The following RORA variants were observed in gnomAD, a reference collection of about 807,000 sequenced individuals.
RORA encodes the protein nuclear receptor ROR-alpha.
Under a neutral mutation model 69.5 loss-of-function variants are expected in RORA, and 7 were observed. The observed-to-expected ratio is 0.10, with a 90% CI of 0.06 to 0.19. The LOEUF is 0.19. RORA is among the 10% of genes least tolerant of loss of function. The pLI is 1.00. For missense variants in RORA, 457 were observed against 663.0 expected, an observed-to-expected ratio of 0.69 and a Z score of 3.41; for synonymous variants, 261 against 240.8, an observed-to-expected ratio of 1.08 and a Z score of -0.78.
chr15:60,991,280 T>C (rs1894369165), intron 1 of RORA, among the ~76,000 whole-genome samples: 2 of 81,188 alleles, frequency 2.5e-5, no homozygotes, highest in African/African-American at 7.9e-5. Flanking sequence ...AGTGAGTGAA[T>C]GAATGAATGA....
chr15:60,822,860 T>C (rs1439972282), intron 1 of RORA, among the ~76,000 whole-genome samples: 1 of 152,244 alleles, frequency 6.6e-6, no homozygotes, highest in Admixed American at 6.5e-5. Flanking sequence ...TATGCTAAGC[T>C]AATTCATAAG....
intron 1 of RORA, among the ~76,000 whole-genome samples, chr15:60,749,517 T>C (rs539471101): frequency 8.5e-5 from 13 of 152,298 alleles, no homozygotes; most frequent in African/African-American, 3.1e-4. Context: ...GGAGAATAAG[T>C]TGATGATCAA....
At chr15:61,079,738 C>A (rs1262324683) in intron 1 of RORA, among the ~76,000 whole-genome samples, 3 of 152,326 alleles carry the variant, frequency 2.0e-5, no homozygotes, top group East Asian at 3.9e-4. Flanking sequence ...AGCAGAATAA[C>A]CCTTGCCCTT....
chr15:60,610,314 G>A (rs940965890), intron 2 of RORA, among the ~76,000 whole-genome samples: 7 of 152,058 alleles, frequency 4.6e-5, no homozygotes, highest in African/African-American at 7.2e-5. Context: ...CAATCCATCC[G>A]ATCTTCCACT....
intron 1 of RORA, among the ~76,000 whole-genome samples, chr15:60,711,981 A>C (rs1171753157): frequency 1.4e-5 from 2 of 146,250 alleles, no homozygotes; most frequent in African/African-American, 2.5e-5. Flanking sequence ...AGTATAATAA[A>C]ACTATTTTGT....
intron 1 of RORA, among the ~76,000 whole-genome samples, chr15:61,130,859 G>A (rs2079184723): frequency 6.6e-6 from 1 of 152,100 alleles, no homozygotes; most frequent in Non-Finnish European, 1.5e-5. Flanking sequence ...AAAAAACATA[G>A]GGCTTCAAGA....
intron 1 of RORA, among the ~76,000 whole-genome samples, chr15:60,873,227 GTGTGTGTGTGTGTGTGTGTGTC>G (rs2073576610): frequency 1.4e-5 from 1 of 73,566 alleles, no homozygotes; most frequent in Non-Finnish European, 3.0e-5. Flanking sequence ...TAAAGGTCGT[GTGTGTGTGTGTGTGTGTGTGTC>G]TGTGTGTGTG....
At chr15:60,961,542 A>G (rs10438288) in intron 1 of RORA, among the ~76,000 whole-genome samples, 46,496 of 152,086 alleles carry the variant, frequency 0.31, 8,156 homozygotes, top group Non-Finnish European at 0.4. Context: ...TGTTGCCATA[A>G]AGCGTCTCAG....
intron 1 of RORA, among the ~76,000 whole-genome samples, chr15:60,794,984 G>T (rs188654378): frequency 3.3e-4 from 50 of 152,248 alleles, no homozygotes; most frequent in African/African-American, 1.2e-3. Flanking sequence ...CTGGACCTTA[G>T]TTGCTAAAAT....
intron 1 of RORA, among the ~76,000 whole-genome samples, chr15:61,151,110 ACT>A (rs1163161753): frequency 1.3e-5 from 2 of 151,774 alleles, no homozygotes; most frequent in African/African-American, 4.8e-5. Flanking sequence ...GCACTCTTTT[ACT>A]CTATGCCCAA....
intron 1 of RORA, among the ~76,000 whole-genome samples, chr15:61,196,551 T>C (rs1482024964): frequency 1.3e-5 from 2 of 152,148 alleles, no homozygotes; most frequent in Non-Finnish European, 2.9e-5. Flanking sequence ...TCTCAGAGAG[T>C]ACATGAGGCT....
chr15:60,842,384 T>C (rs970947293), intron 1 of RORA, among the ~76,000 whole-genome samples: 4 of 152,340 alleles, frequency 2.6e-5, no homozygotes, highest in South Asian at 4.1e-4. Context: ...TAACTTACTG[T>C]TCAAAGCATT....
intron 1 of RORA, among the ~76,000 whole-genome samples, chr15:61,048,533 T>C (rs773923699): frequency 1.3e-5 from 2 of 152,172 alleles, no homozygotes; most frequent in African/African-American, 2.4e-5. Context: ...ACCCCAGATA[T>C]CTTCGTGACA....
chr15:60,516,221 ATTTATATATATATTTAT>A (rs1567052614), intron 3 of RORA, among the ~76,000 whole-genome samples: 308 of 7,682 alleles, frequency 0.04, 13 homozygotes, highest in African/African-American at 0.084. Flanking sequence ...ATATATATAT[ATTTATATATATATTTAT>A]ATATATATAT....
At chr15:60,670,766 G>T (rs1398796618) in intron 2 of RORA, among the ~76,000 whole-genome samples, 1 of 152,118 alleles carries the variant, frequency 6.6e-6, no homozygotes, top group Non-Finnish European at 1.5e-5. Flanking sequence ...AGATGTGGAT[G>T]TCAATTATAA....
In RORA at chr15:61,226,409, A is replaced by T. The variant is rs1420368963; in HGVS notation, c.166+2644T>A. Among the ~76,000 whole-genome samples, 1 of 152,172 alleles carries T rather than the reference A, an allele frequency of 6.6e-6. No homozygotes were observed. The highest frequency in any genetic ancestry group is 2.4e-5 in the African/African-American group (1 of 41,426). ...GGCATAATCACCTAGTGTGTAGGTT[A>T]ATTTCTTTCCGATATTGTAATTTAT... On this transcript the variant is annotated intron_variant, in intron 1 of 10. Coordinates refer to ENST00000335670, the MANE Select transcript of RORA (RefSeq NM_134261.3). The surrounding 1 kb of genome is among the most constrained non-coding windows in gnomAD (Gnocchi z 4.2).
At chr15:60,906,271 C>T (rs1242146683) in intron 1 of RORA, among the ~76,000 whole-genome samples, 1 of 152,082 alleles carries the variant, frequency 6.6e-6, no homozygotes, top group Non-Finnish European at 1.5e-5. Context: ...CTAATTGCAC[C>T]ACAGCTACTC....
chr15:61,149,234 G>A (rs2079376887), intron 1 of RORA, among the ~76,000 whole-genome samples: 2 of 152,138 alleles, frequency 1.3e-5, no homozygotes, highest in Non-Finnish European at 2.9e-5. Context: ...TGTTACTGAA[G>A]GTCTGCAGAG....
chr15:60,629,187 C>CTTTTTTTTTT (rs34687322), intron 2 of RORA, among the ~76,000 whole-genome samples: 1,336 of 111,970 alleles, frequency 0.012, 144 homozygotes, highest in African/African-American at 0.046. Flanking sequence ...ACTGTTTATT[C>CTTTTTTTTTT]TTTTTTTTTT....
Sources: gnomAD v4.1 joint callset for allele counts (sites outside exome capture counted in the v4.1 genomes callset) on GRCh38, gnomAD v4.1.1 for gene constraint, Gnocchi (gnomAD v3.1) non-coding constraint, MANE v1.5 for transcripts, NCBI Gene and HGNC (gene_info 2026-07-23, HGNC 2026-07-21) for gene names.